Variants in FAM81A observed in about 807,000 individuals in gnomAD.
The protein encoded by FAM81A is protein FAM81A.
A neutral mutation model predicts 46.7 loss-of-function variants in FAM81A; 19 were observed. The observed-to-expected ratio is 0.41, with a 90% CI of 0.28 to 0.60. The LOEUF (loss-of-function observed/expected upper bound fraction) is 0.60. Ranked by LOEUF, FAM81A falls within the 20% of genes least tolerant of loss-of-function variation. The probability of loss-of-function intolerance (pLI) is 0.34; values close to 1 mark genes in which losing one functional copy is unlikely to be tolerated. For synonymous variants in FAM81A, 183 were observed against 152.9 expected (o/e 1.20, Z -1.45); for missense variants, 377 against 453.5 (o/e 0.83, Z 1.53).
At chr15:59,508,270 G>A (rs185108647) in intron 5 of FAM81A, among the ~76,000 whole-genome samples, 1 of 152,258 alleles carries the variant, frequency 6.6e-6, no homozygotes, top group Admixed American at 6.5e-5. Context: ...TTCTGGATCT[G>A]ACAAATACCA....
intron 2 of FAM81A, among the ~76,000 whole-genome samples, chr15:59,416,349 C>T (rs1478895159): frequency 6.6e-6 from 1 of 152,190 alleles, no homozygotes; most frequent in South Asian, 2.1e-4. Flanking sequence ...GATGGAGAGA[C>T]GGGGGCTTTT....
At chr15:59,506,198 A>T (rs1596539550) in intron 4 of FAM81A, among the ~76,000 whole-genome samples, 1 of 152,012 alleles carries the variant, frequency 6.6e-6, no homozygotes. Flanking sequence ...CTTTTTGTAG[A>T]CACAGGGTCT....
At chr15:59,484,671 A>G (rs2081895408) in intron 3 of FAM81A, among the ~76,000 whole-genome samples, 1 of 152,232 alleles carries the variant, frequency 6.6e-6, no homozygotes, top group Non-Finnish European at 1.5e-5. Context: ...TTCTGGCTTT[A>G]AGGGTGCCTC....
Position 59,460,997 on chromosome 15 carries a change from G to A in FAM81A, c.294+791G>A, listed in dbSNP as rs143305084. 2.2e-3 allele frequency among the ~76,000 whole-genome samples: 333 copies of A among 152,190 alleles called. No homozygotes were observed. The highest frequency in any genetic ancestry group is 7.6e-3 in the African/African-American group (315 of 41,522). ...TTTTTTTCCATTGTCAGATTTGTAT[G>A]TATGTATTTATTTTAACCGCTTTAT... On this transcript the variant is annotated intron_variant, in intron 3 of 8. Transcript: ENST00000288228. This position sits in a 1 kb window ranked among gnomAD's most constrained non-coding sequence, Gnocchi z 4.4.
chr15:59,429,266 T>C (rs1402505820), intron 2 of FAM81A, among the ~76,000 whole-genome samples: 1 of 152,246 alleles, frequency 6.6e-6, no homozygotes. Flanking sequence ...AAGTCAGTTG[T>C]CTTGGTATGA....
chr15:59,423,596 A>G (rs538828238), intron 2 of FAM81A, among the ~76,000 whole-genome samples: 3 of 152,202 alleles, frequency 2.0e-5, no homozygotes, highest in Admixed American at 1.3e-4. Flanking sequence ...ATGTGACAAA[A>G]GGGAATTATG....
At chr15:59,512,120 A>G (rs547926067) in intron 6 of FAM81A, among the ~76,000 whole-genome samples, 2 of 152,314 alleles carry the variant, frequency 1.3e-5, no homozygotes, top group Non-Finnish European at 2.9e-5. Flanking sequence ...TCACAGACAT[A>G]TGTTGAGTGA....
At chr15:59,465,869 C>T (rs373229896) in intron 3 of FAM81A, among the ~76,000 whole-genome samples, 16 of 152,194 alleles carry the variant, frequency 1.1e-4, no homozygotes, top group East Asian at 3.9e-4. Flanking sequence ...TGACAGACCC[C>T]GGTGTGTGAT....
chr15:59,483,131 G>T (rs894174019), intron 3 of FAM81A, among the ~76,000 whole-genome samples: 2 of 151,946 alleles, frequency 1.3e-5, no homozygotes, highest in Non-Finnish European at 2.9e-5. Context: ...TCTGCCTCCT[G>T]GGTTCAAGCA....
At chr15:59,473,372 C>T (rs374388893) in intron 3 of FAM81A, among the ~76,000 whole-genome samples, 3 of 152,024 alleles carry the variant, frequency 2.0e-5, no homozygotes, top group East Asian at 3.8e-4. Context: ...GCTACCTGCC[C>T]GTTAGTCACT....
At chr15:59,518,000 A>G (rs1488681099) in intron 8 of FAM81A, among the ~76,000 whole-genome samples, 1 of 151,538 alleles carries the variant, frequency 6.6e-6, no homozygotes, top group East Asian at 1.9e-4. Context: ...TGGAGACAGA[A>G]TCTTGCTCTG....
chr15:59,482,437 T>G (rs889334291), intron 3 of FAM81A, among the ~76,000 whole-genome samples: 5 of 152,118 alleles, frequency 3.3e-5, no homozygotes, highest in African/African-American at 1.2e-4. Context: ...CCTGGCTAAT[T>G]TTTGTATTTT....
At chr15:59,404,991 G>A (rs2081087843) in intron 2 of FAM81A, among the ~76,000 whole-genome samples, 1 of 152,164 alleles carries the variant, frequency 6.6e-6, no homozygotes, top group African/African-American at 2.4e-5. Flanking sequence ...AACACACAGA[G>A]CTGACACCAA....
At chr15:59,462,659 A>G (rs1376160290) in intron 3 of FAM81A, among the ~76,000 whole-genome samples, 1 of 151,918 alleles carries the variant, frequency 6.6e-6, no homozygotes, top group Admixed American at 6.6e-5. Flanking sequence ...TTAAAAAGTA[A>G]CTCCCCACTC....
chr15:59,498,091 C>A (rs1361333681), intron 4 of FAM81A, among the ~76,000 whole-genome samples: 5 of 152,164 alleles, frequency 3.3e-5, no homozygotes, highest in Admixed American at 1.3e-4. Flanking sequence ...TTCAAGTGAT[C>A]CTCTCACTTT....
chr15:59,459,671 C>G (rs1313248156), intron 2 of FAM81A, among the ~76,000 whole-genome samples: 1 of 152,098 alleles, frequency 6.6e-6, no homozygotes, highest in Non-Finnish European at 1.5e-5. Flanking sequence ...GGGGAGACAT[C>G]TCGGTGTACC....
At chr15:59,432,639 T>TACC (rs1458115722) in intron 2 of FAM81A, among the ~76,000 whole-genome samples, 1 of 152,186 alleles carries the variant, frequency 6.6e-6, no homozygotes, top group Non-Finnish European at 1.5e-5. Context: ...AGTTACATAA[T>TACC]ACCTCTAAGC....
chr15:59,489,326 C>T (rs1199277263), intron 3 of FAM81A, among the ~76,000 whole-genome samples: 1 of 151,974 alleles, frequency 6.6e-6, no homozygotes, highest in Admixed American at 6.6e-5. Flanking sequence ...TACATACATA[C>T]ATACATACCT....
chr15:59,473,779 A>G (rs1272437467), intron 3 of FAM81A, among the ~76,000 whole-genome samples: 1 of 152,152 alleles, frequency 6.6e-6, no homozygotes, highest in Non-Finnish European at 1.5e-5. Context: ...CAACTGTCGG[A>G]TCCAGGGAAT....
Sources: gnomAD v4.1 joint callset for allele counts (sites outside exome capture counted in the v4.1 genomes callset) on GRCh38, gnomAD v4.1.1 for gene constraint, Gnocchi (gnomAD v3.1) non-coding constraint, MANE v1.5 for transcripts, NCBI Gene and HGNC (gene_info 2026-07-23, HGNC 2026-07-21) for gene names.